Variants in VPS53 observed in about 807,000 individuals in gnomAD.
VPS53 encodes the protein VPS53 subunit of GARP complex.
In VPS53, 70 loss-of-function variants were observed where a neutral mutation model predicts 107.0. That is an observed-to-expected ratio of 0.65 (90% CI 0.54 to 0.80). VPS53 has a LOEUF of 0.80. Among genes scored for constraint, VPS53 ranks in the 30% least tolerant of loss-of-function variants. The probability of loss-of-function intolerance (pLI) is 0.00; values close to 1 mark genes in which losing one functional copy is unlikely to be tolerated. For synonymous variants in VPS53, 409 were observed against 393.3 expected (o/e 1.04, Z -0.47); for missense variants, 917 against 1,049.4 (o/e 0.87, Z 1.74).
At position 614,373 on chromosome 17, in the gene VPS53, T is replaced by G. The variant is rs531203791; in HGVS notation, c.1116+9160A>C. ...AATATATAGAAAGAATATACCCAAATCCTCATCTCTGATTTGGATGACTTT... is the reference window on the plus strand; with the variant it reads ...AATATATAGAAAGAATATACCCAAAGCCTCATCTCTGATTTGGATGACTTT... On this transcript the variant is annotated intron_variant, in intron 11 of 21. Transcript: ENST00000437048. 3.9e-4 allele frequency among the ~76,000 whole-genome samples: 59 copies of G among 152,266 alleles called. No individual in the cohort carries two copies. The South Asian group carries it at 0.011, about 29-fold the overall frequency.
In VPS53 at chr17:512,383, G is replaced by A. The variant is rs1429935128; in HGVS notation, c.*6745C>T. On this transcript the variant is annotated 3_prime_UTR_variant, in exon 22 of 22. Coordinates refer to ENST00000437048, the MANE Select transcript of VPS53 (RefSeq NM_001128159.3). ...GATCAGTGACTCGCCTGGTGTCAAA[G>A]TGCCAGGTCCAAATCAAGACCTGCA... is the stretch of plus-strand genomic sequence containing the variant. 6.6e-6 allele frequency: 1 copy of A among 152,214 alleles called. No homozygotes were observed. The highest frequency in any genetic ancestry group is 1.9e-4 in the East Asian group (1 of 5,194). The allele number at this position is 152,214 out of a possible 1,614,324, so 9.4% of individuals were successfully genotyped here.
rs1307549068 is a variant in VPS53 at position 510,954 on chromosome 17, A to G, written c.*8174T>C. The G allele has an allele frequency of 6.6e-6, 1 of 152,314 alleles. No homozygotes were observed. The highest frequency in any genetic ancestry group is 2.4e-5 in the African/African-American group (1 of 41,360). The allele number at this position is 152,314 out of a possible 1,614,324, so 9.4% of individuals were successfully genotyped here. A position where few individuals can be genotyped will look rare whatever the true frequency, so the allele number is the denominator to read the frequency against. ...TGTGTGTAAACTGATGTTTCTTTGT[A>G]TAGCATTTGATATTCGGTGTGGGTA... On this transcript the variant is annotated 3_prime_UTR_variant, in exon 22 of 22. Transcript: ENST00000437048.
chr17:711,680 TAG>T (rs372703014), intron 1 of VPS53, among the ~76,000 whole-genome samples: 62 of 152,148 alleles, frequency 4.1e-4, no homozygotes, highest in African/African-American at 1.5e-3. Context: ...AGTGCTGTCC[TAG>T]GTTTTAAATT....
In VPS53 at chr17:711,664, G is replaced by A. The variant is rs138039928; in HGVS notation, c.88-1051C>T. On this transcript the variant is annotated intron_variant, in intron 1 of 21. Transcript: ENST00000437048. ...TTCTGTATTCCTCTCACGACTCCTAGGTTTTAGTGCTGTCCTAGGTTTTAA... is the reference window on the plus strand; with the variant it reads ...TTCTGTATTCCTCTCACGACTCCTAAGTTTTAGTGCTGTCCTAGGTTTTAA... Among the ~76,000 whole-genome samples the A allele has an allele frequency of 1.5e-3, 225 of 152,098 alleles. 1 individual carries two copies. Among genetic ancestry groups the A allele is most frequent in the African/African-American group, 4.4e-3 (183 of 41,478 alleles).
intron 7 of VPS53, among the ~76,000 whole-genome samples, chr17:647,782 A>T (rs1452234809): frequency 6.6e-6 from 1 of 152,200 alleles, no homozygotes; most frequent in Non-Finnish European, 1.5e-5. Context: ...GGAGCGTCAG[A>T]AATAATAAAA....
intron 10 of VPS53, among the ~76,000 whole-genome samples, chr17:626,969 A>G (rs1386057405): frequency 1.3e-5 from 2 of 152,032 alleles, no homozygotes; most frequent in African/African-American, 4.8e-5. Flanking sequence ...TGAGGCAAGA[A>G]CTACACCACG....
At chr17:616,670 C>T (rs775367999) in intron 11 of VPS53, 6 of 152,324 alleles carry the variant, frequency 3.9e-5, no homozygotes, top group Non-Finnish European at 7.3e-5. Flanking sequence ...CAGAAGGTGT[C>T]TGACAGTTGG....
At chr17:616,068 C>G (rs1969120490) in intron 11 of VPS53, 1 of 152,278 alleles carries the variant, frequency 6.6e-6, no homozygotes, top group South Asian at 2.1e-4. Flanking sequence ...CTGCAGTGAA[C>G]CGATTCCTCA....
chr17:562,940 T>G (rs1913161551), intron 13 of VPS53, among the ~76,000 whole-genome samples, 195 bp from the exon 14 acceptor site: 1 of 152,152 alleles, frequency 6.6e-6, no homozygotes, highest in African/African-American at 2.4e-5. Context: ...TAATAAAATC[T>G]GACATATGAG....
At chr17:587,613 A>C (rs1179248717) in intron 12 of VPS53, among the ~76,000 whole-genome samples, 1 of 152,172 alleles carries the variant, frequency 6.6e-6, no homozygotes, top group Non-Finnish European at 1.5e-5. Context: ...GTATTTTAAA[A>C]CAATATTTGC....
chr17:678,740 G>A (rs1436800344), intron 4 of VPS53, among the ~76,000 whole-genome samples: 4 of 151,940 alleles, frequency 2.6e-5, no homozygotes, highest in South Asian at 4.1e-4. Flanking sequence ...CCGGGTTCAC[G>A]CCATTCTCCT....
At chr17:679,593 G>A (rs1225246971) in intron 4 of VPS53, among the ~76,000 whole-genome samples, 12 of 152,150 alleles carry the variant, frequency 7.9e-5, no homozygotes, top group Non-Finnish European at 1.6e-4. Context: ...TTAAACATCT[G>A]AGTAAAATTA....
chr17:616,744 G>C (rs902443856), intron 11 of VPS53: 1 of 152,320 alleles, frequency 6.6e-6, no homozygotes. Context: ...TTGCAAACTT[G>C]AGTAAGCTCC....
intron 5 of VPS53, among the ~76,000 whole-genome samples, chr17:657,747 C>T (rs72810208): frequency 2.0e-5 from 3 of 151,920 alleles, no homozygotes; most frequent in South Asian, 2.1e-4. Context: ...TGGATAGATA[C>T]GTCCTCATTA....
intron 4 of VPS53, among the ~76,000 whole-genome samples, chr17:689,971 C>G (rs1025948909): frequency 2.6e-5 from 4 of 152,144 alleles, no homozygotes; most frequent in African/African-American, 9.7e-5. Context: ...GATGAAGAAA[C>G]AGCCCCGGAC....
At chr17:632,512 T>A (rs1970006801) in intron 7 of VPS53, among the ~76,000 whole-genome samples, 1 of 152,160 alleles carries the variant, frequency 6.6e-6, no homozygotes, top group African/African-American at 2.4e-5. Context: ...CTTCTCCGTG[T>A]TAGGAACATT....
intron 16 of VPS53, 33 bp downstream of exon 16, chr17:553,347 C>G: frequency 6.2e-7 from 1 of 1,604,652 alleles, no homozygotes; most frequent in Non-Finnish European, 8.5e-7. Context: ...GGAGAAAGGG[C>G]AGGCAGCCAG....
chr17:542,535 T>G (rs1053782393), intron 17 of VPS53, among the ~76,000 whole-genome samples: 1 of 152,196 alleles, frequency 6.6e-6, no homozygotes, highest in Non-Finnish European at 1.5e-5. Context: ...ACGTATAAAT[T>G]CCACAGTAAA....
chr17:557,276 G>A (rs1487833804), intron 15 of VPS53, among the ~76,000 whole-genome samples: 2 of 152,104 alleles, frequency 1.3e-5, no homozygotes, highest in African/African-American at 2.4e-5. Context: ...CCTTCTCACG[G>A]CCTTCTTCCC....
Sources: gnomAD v4.1 joint callset for allele counts (sites outside exome capture counted in the v4.1 genomes callset) on GRCh38, gnomAD v4.1.1 for gene constraint, MANE v1.5 for transcripts, NCBI Gene and HGNC (gene_info 2026-07-23, HGNC 2026-07-21) for gene names.